Variants in ZNF566 observed in about 807,000 individuals in gnomAD.
ZNF566 encodes zinc finger protein 566.
A neutral mutation model predicts 32.8 loss-of-function variants in ZNF566; 27 were observed. That is an observed-to-expected ratio of 0.82 (90% CI 0.61 to 1.14). ZNF566 has a LOEUF of 1.14. ZNF566 is among the 50% of genes most tolerant of loss of function. The pLI, the probability that ZNF566 is intolerant of heterozygous loss-of-function variation, is 0.00. For missense variants in ZNF566, 402 were observed against 490.4 expected, an observed-to-expected ratio of 0.82 and a Z score of 1.70; for synonymous variants, 154 against 159.5, an observed-to-expected ratio of 0.97 and a Z score of 0.26.
At chr19:36,468,110 G>A (rs956907309) in intron 4 of ZNF566, among the ~76,000 whole-genome samples, 4 of 150,256 alleles carry the variant, frequency 2.7e-5, no homozygotes, top group African/African-American at 9.9e-5. Context: ...ACTTGAACCC[G>A]GGAGGCAGAG....
rs1211464108 is a variant in ZNF566, at chr19:36,449,861, T to C, written c.373A>G (p.Asn125Asp). The C allele has an allele frequency of 6.2e-7, 1 of 1,614,152 alleles. No individual in the cohort carries two copies. The highest frequency in any genetic ancestry group is 2.2e-5 in the East Asian group (1 of 44,878). Residue 125 changes from asparagine (N) to aspartate (D), a missense_variant, in exon 5 of 5, where the codon AAT (asparagine) becomes GAT (aspartate). Asn to Asp is a conservative substitution (Grantham distance 23). Transcript: ENST00000452939. Reference protein sequence around the residue: ...CSSFRDDWECNRQFKKELGSQ... With the variant: ...CSSFRDDWECDRQFKKELGSQ... ...CCGAGTTCTTTCTTAAACTGCCGAT[T>C]ACATTCCCAATCATCTCTGAAACTG... is the stretch of plus-strand genomic sequence containing the variant.
At chr19:36,466,769 A>AT (rs1348736285) in intron 4 of ZNF566, among the ~76,000 whole-genome samples, 1 of 152,178 alleles carries the variant, frequency 6.6e-6, no homozygotes, top group Non-Finnish European at 1.5e-5. Context: ...ACTCTTACAC[A>AT]TTAAGAAAAA....
At chr19:36,467,752 C>G (rs1441862463) in intron 4 of ZNF566, among the ~76,000 whole-genome samples, 1 of 129,304 alleles carries the variant, frequency 7.7e-6, no homozygotes, top group Admixed American at 9.4e-5. Flanking sequence ...GATCATGCCA[C>G]TGCACTCCAG....
intron 4 of ZNF566, among the ~76,000 whole-genome samples, chr19:36,470,541 C>T (rs1345575729): frequency 6.6e-6 from 1 of 152,180 alleles, no homozygotes; most frequent in Non-Finnish European, 1.5e-5. Flanking sequence ...CAGACTACTA[C>T]AAAAACCTGC....
chr19:36,469,637 C>T (rs1179488720), intron 4 of ZNF566, among the ~76,000 whole-genome samples: 1 of 152,100 alleles, frequency 6.6e-6, no homozygotes, highest in Non-Finnish European at 1.5e-5. Context: ...CAACATTCTA[C>T]GACTTGTAAA....
chr19:36,472,139 C>T (rs1317526703), intron 4 of ZNF566, among the ~76,000 whole-genome samples: 1 of 152,148 alleles, frequency 6.6e-6, no homozygotes, highest in African/African-American at 2.4e-5. Flanking sequence ...AATGAATGTG[C>T]TGTTCTGTTC....
chr19:36,477,531 T>TTTTTTTA (rs2033921826), intron 1 of ZNF566, among the ~76,000 whole-genome samples: 1 of 108,490 alleles, frequency 9.2e-6, no homozygotes, highest in Non-Finnish European at 2.0e-5. Context: ...TTTCTGTTTT[T>TTTTTTTA]TTTTTGTTTG....
chr19:36,450,199 T>C (rs1295071132), intron 4 of ZNF566, among the ~76,000 whole-genome samples, 198 bp from the exon 5 acceptor site: 1 of 152,202 alleles, frequency 6.6e-6, no homozygotes, highest in Non-Finnish European at 1.5e-5. Context: ...AACATTGCTA[T>C]AGATCAGAAT....
Position 36,449,169 on chromosome 19 carries a change from A to G in ZNF566, c.1065T>C (p.Thr355=). The stretch of plus-strand genomic sequence containing the variant: ...CCCCAGTATGAATTCTCTGATGTCT[A>G]GTAAGGTCTGAGCCAGAACGAAAAG... The part of the protein sequence containing the change: ...EKAFRSGSDL[T]RHQRIHTGEK... Residue 355 remains threonine, a synonymous_variant, in exon 5 of 5, where the codon ACT becomes ACC. Transcript: ENST00000452939. 1 of 1,614,102 alleles carries G rather than the reference A, an allele frequency of 6.2e-7. No homozygotes were observed. Among genetic ancestry groups the G allele is most frequent in the Non-Finnish European group, 8.5e-7 (1 of 1,179,990 alleles).
At position 36,480,448 on chromosome 19, in the gene ZNF566, C is replaced by G. The variant is rs2033999512; in HGVS notation, c.-59-3832G>C. 2.0e-5 allele frequency among the ~76,000 whole-genome samples: 3 copies of G among 151,564 alleles called. No homozygotes were observed. In the South Asian group the frequency reaches 6.3e-4, roughly 32 times the overall value. ...TACAGGTGGCTGCCACCACACCCGG[C>G]TAATTTTTGTATTTTTAGTGGAGAC... On this transcript the variant is annotated intron_variant, in intron 1 of 4. Transcript: ENST00000452939.
intron 4 of ZNF566, among the ~76,000 whole-genome samples, chr19:36,452,717 A>T (rs1306000527): frequency 6.6e-6 from 1 of 152,072 alleles, no homozygotes; most frequent in African/African-American, 2.4e-5. Flanking sequence ...AAAGGACACT[A>T]ACAATATAAA....
At chr19:36,457,993 G>T (rs1254005924) in intron 4 of ZNF566, among the ~76,000 whole-genome samples, 1 of 152,110 alleles carries the variant, frequency 6.6e-6, no homozygotes, top group Non-Finnish European at 1.5e-5. Flanking sequence ...TGGCAAAAAG[G>T]GAATCCTTGG....
intron 4 of ZNF566, among the ~76,000 whole-genome samples, chr19:36,462,906 G>C (rs1207277790): frequency 7.9e-6 from 1 of 126,948 alleles, no homozygotes; most frequent in Non-Finnish European, 1.6e-5. Flanking sequence ...GCAGTGAGCC[G>C]AGACTGTGCC....
intron 4 of ZNF566, among the ~76,000 whole-genome samples, chr19:36,471,213 CA>C (rs66905791): frequency 0.53 from 56,919 of 107,582 alleles, 11,550 homozygotes; most frequent in South Asian, 0.57. Flanking sequence ...GACTCTGTCT[CA>C]AAAAAAAAAA....
chr19:36,472,989 G>T lies in ZNF566; in HGVS notation c.154C>A (p.Pro52Thr), dbSNP rs1246809713. 2.5e-6 allele frequency: 4 copies of T among 1,613,486 alleles called. No individual in the cohort carries two copies. Among genetic ancestry groups the T allele is most frequent in the Non-Finnish European group, 3.4e-6 (4 of 1,179,810 alleles). The change falls in exon 4 of 5, where the codon CCA (proline) becomes ACA (threonine). Residue 52 changes from proline (P) to threonine (T), a missense_variant. By Grantham distance (38) the Pro-to-Thr change is conservative. Transcript: ENST00000452939. Reference protein sequence around the residue: ...LVSMGHSISKPNVISYLEQGK... With the variant: ...LVSMGHSISKTNVISYLEQGK... ...TGCTCCAAGTAGGAGATCACATTTGGTTTAGAAATAGAATGCCCTGCTTAC... is the reference window on the plus strand; with the variant it reads ...TGCTCCAAGTAGGAGATCACATTTGTTTTAGAAATAGAATGCCCTGCTTAC...
intron 4 of ZNF566, among the ~76,000 whole-genome samples, chr19:36,472,459 T>G (rs1568525342): frequency 6.6e-6 from 1 of 152,216 alleles, no homozygotes; most frequent in Non-Finnish European, 1.5e-5. Context: ...TTATACATGT[T>G]AGAAAATCAG....
chr19:36,481,349 T>TA (rs752350062), intron 1 of ZNF566, among the ~76,000 whole-genome samples: 4 of 151,496 alleles, frequency 2.6e-5, no homozygotes, highest in Non-Finnish European at 5.9e-5. Context: ...CACGCGCCTG[T>TA]AGTCCCAGCT....
chr19:36,477,770 T>C (rs192604395), intron 1 of ZNF566, among the ~76,000 whole-genome samples: 1 of 152,134 alleles, frequency 6.6e-6, no homozygotes, highest in East Asian at 1.9e-4. Context: ...AATCCTGACC[T>C]TCCAAAGTGC....
At chr19:36,454,209 T>G (rs1278911236) in intron 4 of ZNF566, among the ~76,000 whole-genome samples, 2 of 151,980 alleles carry the variant, frequency 1.3e-5, no homozygotes, top group Non-Finnish European at 2.9e-5. Context: ...TAAAGTTAAG[T>G]TATTATTAAC....
Sources: gnomAD v4.1 joint callset for allele counts (sites outside exome capture counted in the v4.1 genomes callset) on GRCh38, gnomAD v4.1.1 for gene constraint, MANE v1.5 for transcripts, NCBI Gene and HGNC (gene_info 2026-07-23, HGNC 2026-07-21) for gene names.